Variants in PTPA observed in about 807,000 individuals in gnomAD.
The protein encoded by PTPA is serine/threonine-protein phosphatase 2A activator.
Under a neutral mutation model 43.6 loss-of-function variants are expected in PTPA, and 13 were observed. The observed-to-expected ratio is 0.30, with a 90% CI of 0.19 to 0.47. The LOEUF (loss-of-function observed/expected upper bound fraction) is 0.47, where lower values mean the gene tolerates loss of function less well. Among genes scored for constraint, PTPA ranks in the 20% least tolerant of loss-of-function variants. PTPA has a pLI of 0.99. For synonymous variants in PTPA, 172 were observed against 158.2 expected, an observed-to-expected ratio of 1.09 and a Z score of -0.66; for missense variants, 329 against 411.9, an observed-to-expected ratio of 0.80 and a Z score of 1.74.
At chr9:129,133,837 G>A (rs1048842131) in intron 5 of PTPA, among the ~76,000 whole-genome samples, 2 of 152,218 alleles carry the variant, frequency 1.3e-5, no homozygotes, top group Non-Finnish European at 2.9e-5. Context: ...CCTCCTTAGT[G>A]TTCCTCAAAC....
At chr9:129,136,038 G>T (rs765204072) in intron 6 of PTPA, among the ~76,000 whole-genome samples, 3 of 152,088 alleles carry the variant, frequency 2.0e-5, no homozygotes, top group Non-Finnish European at 2.9e-5. Flanking sequence ...AGAGATCTCG[G>T]CTCACTGCAA....
In PTPA at chr9:129,131,565, C is replaced by T. The variant is rs779046795; in HGVS notation, c.386C>T (p.Ala129Val). 1.1e-5 allele frequency: 18 copies of T among 1,614,086 alleles called. No homozygotes were observed. The East Asian group carries it at 4.0e-4, about 36-fold the overall frequency. The stretch of plus-strand genomic sequence containing the variant: ...GCCACAGTGGTCCCTACCCATCTGG[C>T]AGCTGCTGTGCCTGAGGTGGCTGTT... ...LVATVVPTHL[A>V]AAVPEVAVYL... Residue 129 changes from alanine (A) to valine (V), a missense_variant, in exon 5 of 10, where the codon GCA becomes GTA. Transcript: ENST00000393370.
intron 5 of PTPA, 116 bp downstream of exon 5, chr9:129,131,755 C>T (rs1849985828): frequency 2.9e-6 from 3 of 1,041,358 alleles, no homozygotes; most frequent in East Asian, 4.8e-5. Context: ...TCGCCAAGCA[C>T]CTGCAACCTA....
intron 3 of PTPA, among the ~76,000 whole-genome samples, chr9:129,124,476 A>G (rs1406183780): frequency 6.6e-6 from 1 of 152,194 alleles, no homozygotes; most frequent in African/African-American, 2.4e-5. Flanking sequence ...AGACGTGGAA[A>G]TGTGGAGTCA....
At chr9:129,143,691 C>T in intron 9 of PTPA, 1 of 460,810 alleles carries the variant, frequency 2.2e-6, no homozygotes. Context: ...CTGGACCTCA[C>T]ATCCTGTGTT....
Position 129,120,158 on chromosome 9 carries a change from T to C in PTPA, c.32-355T>C, listed in dbSNP as rs537998941. ...CTGTAATCCCAGCTACTCAGAACACTGAGGCAGGAGAATCGCTTGAACCCG... is the reference window on the plus strand; with the variant it reads ...CTGTAATCCCAGCTACTCAGAACACCGAGGCAGGAGAATCGCTTGAACCCG... On this transcript the variant is annotated intron_variant, in intron 1 of 9. Transcript: ENST00000393370. Among the ~76,000 whole-genome samples, 4 of 152,086 alleles carry C rather than the reference T, an allele frequency of 2.6e-5. No homozygotes were observed. In the South Asian group the frequency reaches 8.3e-4, roughly 32 times the overall value.
rs140781354 is a variant in PTPA, at chr9:129,137,659, C to T, written c.753C>T (p.Tyr251=). 1.2e-6 allele frequency: 2 copies of T among 1,611,822 alleles called. No individual in the cohort carries two copies. Among genetic ancestry groups the T allele is most frequent in the African/African-American group, 1.3e-5 (1 of 74,926 alleles). ...CCGTGAATGAGAACCACAAGGACTA[C>T]ATGTTCCTGGAGTGTATCCTGTTTA... ...EKAVNENHKD[Y]MFLECILFIT... Residue 251 remains tyrosine (Y), a synonymous_variant, in exon 8 of 10, where the codon TAC becomes TAT. Coordinates refer to ENST00000393370, the MANE Select transcript of PTPA (RefSeq NM_178000.3).
At chr9:129,111,330 C>T, upstream of PTPA, 5 of 1,173,234 alleles carry the variant, frequency 4.3e-6, no homozygotes, top group Non-Finnish European at 5.3e-6. Context: ...GCGCCCCGCG[C>T]GCCCCGCACT....
chr9:129,129,571 G>A (rs1279157537), intron 4 of PTPA, among the ~76,000 whole-genome samples: 4 of 151,736 alleles, frequency 2.6e-5, no homozygotes, highest in African/African-American at 4.8e-5. Flanking sequence ...CTGGGTTCAC[G>A]CCATTCTCCT....
chr9:129,123,146 C>T lies in PTPA; in HGVS notation c.216+8C>T, dbSNP rs369805374. 4 of 1,595,258 alleles carry T rather than the reference C, an allele frequency of 2.5e-6. No individual in the cohort carries two copies. In the African/African-American group the frequency reaches 5.4e-5, roughly 21 times the overall value. The stretch of plus-strand genomic sequence containing the variant: ...GAGTACAGAGTCTCCGAGGTAGGCC[C>T]AAGGAGGAGCTGCTGCAGCAGCCTT... On this transcript the variant is annotated splice_region_variant and intron_variant, in intron 3 of 9. Coordinates refer to ENST00000393370, the MANE Select transcript of PTPA (RefSeq NM_178000.3).
At chr9:129,146,118 G>C (rs1851284747) in intron 9 of PTPA, among the ~76,000 whole-genome samples, 1 of 146,802 alleles carries the variant, frequency 6.8e-6, no homozygotes, top group Non-Finnish European at 1.5e-5. Flanking sequence ...GGGTGGGGGG[G>C]CTCTTATGAC....
intron 4 of PTPA, 146 bp downstream of exon 4, chr9:129,129,256 A>G (rs1849788056): frequency 8.3e-7 from 1 of 1,206,480 alleles, no homozygotes. Context: ...TAGCAAAATT[A>G]CAAATGAGTT....
At chr9:129,130,215 G>C (rs1849866682) in intron 4 of PTPA, among the ~76,000 whole-genome samples, 1 of 152,140 alleles carries the variant, frequency 6.6e-6, no homozygotes. Flanking sequence ...TAGGGACTGG[G>C]AACCTGGATT....
intron 1 of PTPA, among the ~76,000 whole-genome samples, chr9:129,113,491 G>A (rs564685919): frequency 2.0e-5 from 3 of 151,804 alleles, no homozygotes; most frequent in Admixed American, 1.3e-4. Context: ...TGATGACTCC[G>A]GGCACAGTGG....
chr9:129,142,858 T>A, intron 9 of PTPA: 1 of 1,525,902 alleles, frequency 6.6e-7, no homozygotes, highest in Non-Finnish European at 8.8e-7. Flanking sequence ...TCCCTTCTCC[T>A]TTATCAAGTG....
At chr9:129,134,682 G>A (rs1850234787) in intron 5 of PTPA, 113 bp from the exon 6 acceptor site, 2 of 787,524 alleles carry the variant, frequency 2.5e-6, no homozygotes, top group Non-Finnish European at 4.1e-6. Flanking sequence ...TTGTCTCCAT[G>A]TTGACCACCC....
At chr9:129,143,567 T>A in intron 9 of PTPA, 3 of 644,218 alleles carry the variant, frequency 4.7e-6, no homozygotes, top group Non-Finnish European at 8.4e-6. Flanking sequence ...GGAGCACAGA[T>A]GCTTCCAGTT....
intron 8 of PTPA, chr9:129,141,648 T>C (rs992109246): frequency 1.4e-4 from 22 of 152,396 alleles, no homozygotes; most frequent in African/African-American, 5.1e-4. Flanking sequence ...TCTTCCGTCC[T>C]GGAGGGTCAG....
chr9:129,137,867 C>T (rs1319812063), intron 8 of PTPA, 175 bp downstream of exon 8: 6 of 669,256 alleles, frequency 9.0e-6, no homozygotes, highest in Admixed American at 2.2e-5. Flanking sequence ...AGAGCCGCTG[C>T]TGACTGTCAG....
Sources: allele counts gnomAD v4.1 joint callset (sites outside exome capture counted in the v4.1 genomes callset), GRCh38; gene constraint gnomAD v4.1.1; transcripts MANE v1.5; gene names NCBI Gene and HGNC (gene_info 2026-07-23, HGNC 2026-07-21).